RYR2: variants seen among roughly 807,000 people sequenced by gnomAD.
The protein encoded by RYR2 is cardiac muscle ryanodine receptor-calcium release channel.
In RYR2, 227 loss-of-function variants were observed where a neutral mutation model predicts 601.1. The observed-to-expected ratio is 0.38, with a 90% confidence interval of 0.34 to 0.42. The LOEUF (loss-of-function observed/expected upper bound fraction) is 0.42. Ranked by LOEUF, RYR2 falls within the 10% of genes least tolerant of loss-of-function variation. The pLI, the probability that RYR2 is intolerant of heterozygous loss-of-function variation, is 1.00. For synonymous variants in RYR2, 2,223 were observed against 2,175.1 expected, an observed-to-expected ratio of 1.02 and a Z score of -0.61; for missense variants, 4,646 against 6,156.5, an observed-to-expected ratio of 0.75 and a Z score of 8.21.
At chr1:237,768,181 A>G (rs938611513) in intron 84 of RYR2, among the ~76,000 whole-genome samples, 2 of 152,244 alleles carry the variant, frequency 1.3e-5, no homozygotes, top group African/African-American at 4.8e-5. Flanking sequence ...TGTAATTTTG[A>G]GAACATTTTA....
chr1:237,678,232 A>G (rs1685571080), intron 61 of RYR2, 120 bp downstream of exon 61: 1 of 615,292 alleles, frequency 1.6e-6, no homozygotes, highest in East Asian at 2.8e-5. Flanking sequence ...CTGCACGTAA[A>G]TATTCTGTGG....
chr1:237,309,222 A>C (rs1318881796), intron 2 of RYR2, among the ~76,000 whole-genome samples: 1 of 135,504 alleles, frequency 7.4e-6, no homozygotes, highest in Non-Finnish European at 1.6e-5. Context: ...TGGTGTGTTT[A>C]CAAACCTTGA....
At chr1:237,484,699 T>C (rs1445128507) in intron 17 of RYR2, among the ~76,000 whole-genome samples, 1 of 152,192 alleles carries the variant, frequency 6.6e-6, no homozygotes, top group African/African-American at 2.4e-5. Flanking sequence ...GAATATACAA[T>C]AGCAAAGTCA....
At chr1:237,678,385 T>C (rs915958022) in intron 61 of RYR2, among the ~76,000 whole-genome samples, 2 of 152,208 alleles carry the variant, frequency 1.3e-5, no homozygotes, top group African/African-American at 4.8e-5. Flanking sequence ...TATCATATGA[T>C]ATGGAATAAA....
chr1:237,712,510 G>A (rs1450233393), intron 71 of RYR2, among the ~76,000 whole-genome samples: 1 of 151,912 alleles, frequency 6.6e-6, no homozygotes, highest in Non-Finnish European at 1.5e-5. Flanking sequence ...AGATGTCAGA[G>A]CAACAGAATA....
At chr1:237,706,033 G>A (rs961180694) in intron 67 of RYR2, among the ~76,000 whole-genome samples, 1 of 152,068 alleles carries the variant, frequency 6.6e-6, no homozygotes, top group African/African-American at 2.4e-5. Flanking sequence ...GGTAGATCAC[G>A]AGGTCAGGAG....
intron 104 of RYR2, among the ~76,000 whole-genome samples, 177 bp downstream of exon 104, chr1:237,831,742 A>G (rs1663815643): frequency 1.3e-5 from 2 of 152,190 alleles, no homozygotes; most frequent in Admixed American, 6.5e-5. Flanking sequence ...GCCTTTGTTA[A>G]AGTAGAATTC....
At chr1:237,812,758 C>T (rs560520148) in intron 100 of RYR2, among the ~76,000 whole-genome samples, 5 of 152,250 alleles carry the variant, frequency 3.3e-5, no homozygotes, top group East Asian at 1.9e-4. Flanking sequence ...ATAATTCATG[C>T]ACCTTGCCTG....
At chr1:237,194,635 C>G (rs1358963652) in intron 1 of RYR2, among the ~76,000 whole-genome samples, 1 of 152,150 alleles carries the variant, frequency 6.6e-6, no homozygotes, top group Non-Finnish European at 1.5e-5. Flanking sequence ...TGACCCTGAC[C>G]CAGAGGCGGG....
At chr1:237,602,714 T>G (rs558151660) in intron 35 of RYR2, among the ~76,000 whole-genome samples, 1 of 152,274 alleles carries the variant, frequency 6.6e-6, no homozygotes, top group East Asian at 1.9e-4. Flanking sequence ...TTAAGATGGA[T>G]AAAAGGTAGA....
chr1:237,380,430 C>T (rs1162368432), intron 8 of RYR2, among the ~76,000 whole-genome samples: 6 of 87,632 alleles, frequency 6.8e-5, no homozygotes, highest in Non-Finnish European at 8.9e-5. Flanking sequence ...ATAGTAAATA[C>T]GAAGTCTGGT....
At chr1:237,566,455 A>G in intron 27 of RYR2, 112 bp from the exon 28 acceptor site, 1 of 1,058,854 alleles carries the variant, frequency 9.4e-7, no homozygotes, top group Non-Finnish European at 1.4e-6. Flanking sequence ...TCATCGCTCT[A>G]GGTTGAATTA....
At chr1:237,216,525 G>T (rs1191953945) in intron 1 of RYR2, among the ~76,000 whole-genome samples, 2 of 152,154 alleles carry the variant, frequency 1.3e-5, no homozygotes, top group East Asian at 3.9e-4. Flanking sequence ...AGCACCTGAT[G>T]TCAGGAGTTT....
At chr1:237,189,028 A>G (rs1558394445) in intron 1 of RYR2, among the ~76,000 whole-genome samples, 1 of 152,110 alleles carries the variant, frequency 6.6e-6, no homozygotes, top group Non-Finnish European at 1.5e-5. Context: ...GTACCCATTT[A>G]ATACTAATTT....
chr1:237,196,768 A>G (rs1680617945), intron 1 of RYR2, among the ~76,000 whole-genome samples: 1 of 152,162 alleles, frequency 6.6e-6, no homozygotes, highest in African/African-American at 2.4e-5. Context: ...GCATTTTGAC[A>G]CAAACTTAAG....
intron 1 of RYR2, among the ~76,000 whole-genome samples, chr1:237,051,206 T>C (rs1661216882): frequency 9.0e-6 from 1 of 110,738 alleles, no homozygotes; most frequent in Non-Finnish European, 1.8e-5. Flanking sequence ...TCCCTCCCTT[T>C]CCCTTTCTCT....
In RYR2 at chr1:237,087,735, G is replaced by A. The variant is rs115144249; in HGVS notation, c.48+45166G>A. ...GCCCCTCTTGGTGTCTGGGTGGCCA[G>A]CCTGGGTTTCTCCTCCTACATTCCC... On this transcript the variant is annotated intron_variant, in intron 1 of 104. Coordinates refer to ENST00000366574, the MANE Select transcript of RYR2 (RefSeq NM_001035.3). Among the ~76,000 whole-genome samples the A allele has an allele frequency of 1.4e-3, 219 of 152,310 alleles. 1 individual carries two copies. Among genetic ancestry groups the A allele is most frequent in the African/African-American group, 4.9e-3 (202 of 41,562 alleles).
chr1:237,342,180 G>C (rs1369527211), intron 3 of RYR2, among the ~76,000 whole-genome samples: 1 of 149,760 alleles, frequency 6.7e-6, no homozygotes, highest in African/African-American at 2.5e-5. Flanking sequence ...GTTAATTCTT[G>C]CTCTGTTATC....
At chr1:237,431,765 C>G (rs1003296806) in intron 12 of RYR2, among the ~76,000 whole-genome samples, 1 of 152,042 alleles carries the variant, frequency 6.6e-6, no homozygotes, top group African/African-American at 2.4e-5. Context: ...GTTTTGTTCA[C>G]CATGGATAGT....
Sources: allele counts gnomAD v4.1 joint callset (sites outside exome capture counted in the v4.1 genomes callset), GRCh38; gene constraint gnomAD v4.1.1; transcripts MANE v1.5; gene names NCBI Gene and HGNC (gene_info 2026-07-23, HGNC 2026-07-21).